ABCA2: variants seen among roughly 807,000 people sequenced by gnomAD.
ABCA2 encodes the protein ATP binding cassette subfamily A member 2, also known as ATP-binding cassette sub-family A member 2.
Under a neutral mutation model 262.8 loss-of-function variants are expected in ABCA2, and 84 were observed. The observed-to-expected ratio is 0.32, with a 90% CI of 0.27 to 0.38. The LOEUF (loss-of-function observed/expected upper bound fraction) is 0.38, where lower values mean the gene tolerates loss of function less well. ABCA2 is among the 10% of genes least tolerant of loss of function. ABCA2 has a pLI of 1.00. For synonymous variants in ABCA2, 1,696 were observed against 1,502.9 expected (o/e 1.13, Z -2.97); for missense variants, 2,662 against 3,405.9 (o/e 0.78, Z 5.44).
chr9:137,017,283 G>T lies in ABCA2; in HGVS notation c.2466C>A (p.Tyr822Ter). ...ACATGTAGGGCACGTAGCTCAGGAAGTAGATGATGCCACCGCAGGCCGAGG... is the reference window on the plus strand; with the variant it reads ...ACATGTAGGGCACGTAGCTCAGGAATTAGATGATGCCACCGCAGGCCGAGG... Reference protein sequence around the residue: ...KLASACGGIIYFLSYVPYMYV... With the variant: ...KLASACGGII Residue 822 changes from tyrosine to a stop codon, truncating the protein, a stop_gained, in exon 18 of 49, where the codon TAC becomes TAA. Transcript: ENST00000341511. LOFTEE classifies it high-confidence loss of function. The T allele has an allele frequency of 6.2e-7, 1 of 1,612,708 alleles. No homozygotes were observed. The highest frequency in any genetic ancestry group is 8.5e-7 in the Non-Finnish European group (1 of 1,179,912).
At position 137,021,465 on chromosome 9, in the gene ABCA2, G is replaced by A. The variant is rs1238610607; in HGVS notation, c.824C>T (p.Ala275Val). 6.8e-6 allele frequency: 11 copies of A among 1,611,790 alleles called. No homozygotes were observed. The highest frequency in any genetic ancestry group is 3.3e-5 in the Admixed American group (2 of 59,946). Residue 275 changes from alanine to valine, a missense_variant, in exon 8 of 49, where the codon GCG becomes GTG. Around this residue, in one of 12 missense-constraint regions of ABCA2, gnomAD observed 403 missense variants for 375.9 expected, o/e 1.07. Coordinates refer to ENST00000341511, the MANE Select transcript of ABCA2 (RefSeq NM_001606.5). This position sits in a 1 kb window ranked among gnomAD's most constrained non-coding sequence, Gnocchi z 6.0. Reference protein sequence around the residue: ...RDAVCSGQAAARARRFSGLSA... With the variant: ...RDAVCSGQAAVRARRFSGLSA... ...CAGCCCAGAGAAGCGCCTGGCACGC[G>A]CAGCAGCCTGCCCACTGCAGACAGC...
chr9:137,014,477 G>T (rs1051545147), intron 26 of ABCA2, 73 bp from the exon 27 acceptor site: 3 of 1,492,400 alleles, frequency 2.0e-6, no homozygotes, highest in African/African-American at 1.4e-5. Flanking sequence ...CCCCATCCCC[G>T]GTCTTGACCC....
In ABCA2 at chr9:137,015,434, G is replaced by A. The variant is rs1831223945; in HGVS notation, c.3677C>T (p.Ala1226Val). The A allele has an allele frequency of 6.4e-7, 1 of 1,566,190 alleles. No individual in the cohort carries two copies. The highest frequency in any genetic ancestry group is 1.4e-5 in the African/African-American group (1 of 73,730). Reference protein sequence around the residue: ...GYRLTLVKRPAEPGGPQEPGL... With the variant: ...GYRLTLVKRPVEPGGPQEPGL... ...CAGACCTTGGGGGCCCCCCGGCTCG[G>A]CGGGCCGCTTGACCAGCGTGAGGCG... The change falls in exon 24 of 49, where the codon GCC becomes GTC. Residue 1226 changes from alanine to valine, a missense_variant. By Grantham distance (64) the Ala-to-Val change is moderately conservative. This residue lies in a region of ABCA2 where 297 missense variants were observed against 286.5 expected (regional missense o/e 1.04). Transcript: ENST00000341511.
rs762289641 is a variant in ABCA2, at chr9:137,008,287, C to T, written c.7275+129G>A. ...CTGCAAGTGTCCCTCGCCCACTCTG[C>T]CCCCTTGACCTCTGGACAGCAAGCA... On this transcript the variant is annotated intron_variant, in intron 48 of 48. Transcript: ENST00000341511. 1.3e-4 allele frequency: 147 copies of T among 1,091,598 alleles called. 3 individuals are homozygous for T. The highest frequency in any genetic ancestry group is 4.5e-4 in the African/African-American group (29 of 64,538). 67.6% of individuals were successfully genotyped at this position (1,091,598 alleles called of 1,614,324 possible).
upstream of ABCA2, chr9:137,028,620 G>C: frequency 9.2e-7 from 1 of 1,086,352 alleles, no homozygotes; most frequent in Non-Finnish European, 1.1e-6. The surrounding 1 kb of genome is among the most constrained non-coding windows in gnomAD (Gnocchi z 6.9). Flanking sequence ...CTGTCCCCGG[G>C]GCGCGCCGAG....
In ABCA2 at chr9:137,011,208, G is replaced by C; in HGVS notation, c.5901C>G (p.Ile1967Met). 1 of 1,612,562 alleles carries C rather than the reference G, an allele frequency of 6.2e-7. No individual in the cohort carries two copies. Among genetic ancestry groups the C allele is most frequent in the Non-Finnish European group, 8.5e-7 (1 of 1,179,866 alleles). The change falls in exon 38 of 49, where the codon ATC becomes ATG. Residue 1967 changes from isoleucine to methionine, a missense_variant. Ile to Met is a conservative substitution (Grantham distance 10). Coordinates refer to ENST00000341511, the MANE Select transcript of ABCA2 (RefSeq NM_001606.5). This position sits in a 1 kb window ranked among gnomAD's most constrained non-coding sequence, Gnocchi z 8.8. ...CACCAATCTTGGCGTAGTACTCGTTGATGTACTCGTTGTAGGCCATCTCCA... is the reference window on the plus strand; with the variant it reads ...CACCAATCTTGGCGTAGTACTCGTTCATGTACTCGTTGTAGGCCATCTCCA... ...GLMEMAYNEYINEYYAKIGQF... is the reference protein window; with the variant it reads ...GLMEMAYNEYMNEYYAKIGQF...
intron 1 of ABCA2, among the ~76,000 whole-genome samples, chr9:137,027,023 C>T (rs560741508): frequency 6.6e-6 from 1 of 152,256 alleles, no homozygotes; most frequent in Non-Finnish European, 1.5e-5. Flanking sequence ...CCTGGGTTTC[C>T]TGCAGTGCAT....
chr9:137,012,679 C>T (rs1831103882), intron 31 of ABCA2, 33 bp downstream of exon 31: 2 of 1,611,236 alleles, frequency 1.2e-6, no homozygotes, highest in Non-Finnish European at 1.7e-6. Context: ...GGTGGCCGGC[C>T]ACCCTCACCC....
At chr9:137,018,373 G>A (rs757405516) in intron 13 of ABCA2, 22 bp from the exon 14 acceptor site, 1 of 1,570,796 alleles carries the variant, frequency 6.4e-7, no homozygotes, top group East Asian at 2.3e-5. Context: ...AGGTTGGGGC[G>A]GGGCCAAGAT....
intron 28 of ABCA2, 60 bp from the exon 29 acceptor site, chr9:137,013,623 C>G: frequency 6.6e-7 from 1 of 1,504,036 alleles, no homozygotes. Flanking sequence ...GGCCCCCAAG[C>G]CTCGGTCCCC....
In ABCA2 at chr9:137,024,226, G is replaced by A. The variant is rs1431288534; in HGVS notation, c.77C>T (p.Ala26Val). Residue 26 changes from alanine to valine, a missense_variant, in exon 2 of 49, where the codon GCC becomes GTC. By Grantham distance (64) the Ala-to-Val change is moderately conservative (BLOSUM62 0). Coordinates refer to ENST00000341511, the MANE Select transcript of ABCA2 (RefSeq NM_001606.5). ...CACCAGGGGGATGAAGATCTCGAAGGCCAGGACCCACTGGAAAGGGTGGGC... is the reference window on the plus strand; with the variant it reads ...CACCAGGGGGATGAAGATCTCGAAGACCAGGACCCACTGGAAAGGGTGGGC... ...TLKRRSPWVL[A>V]FEIFIPLVLF... 6.2e-7 allele frequency: 1 copy of A among 1,610,602 alleles called. No individual in the cohort carries two copies. The highest frequency in any genetic ancestry group is 2.2e-5 in the East Asian group (1 of 44,810).
chr9:137,026,383 C>T (rs188175885), intron 1 of ABCA2, among the ~76,000 whole-genome samples: 44 of 152,350 alleles, frequency 2.9e-4, no homozygotes, highest in African/African-American at 1.0e-3. Flanking sequence ...AAGAGTCCAG[C>T]TCTGATGTCC....
In ABCA2 at chr9:137,016,732, T is replaced by C; in HGVS notation, c.2765A>G (p.Tyr922Cys). 6.4e-7 allele frequency: 1 copy of C among 1,553,102 alleles called. No homozygotes were observed. Among genetic ancestry groups the C allele is most frequent in the South Asian group, 1.2e-5 (1 of 83,012 alleles). The part of the protein sequence containing the change: ...WYIEAVHPGM[Y>C]GLPRPWYFPL... ...GAAGTACCAGGGCCGGGGCAGCCCG[T>C]ACATGCCTGGGGGTCGGGGAGGGGA... The change falls in exon 20 of 49, where the codon TAC (tyrosine) becomes TGC (cysteine). Residue 922 changes from tyrosine to cysteine, a missense_variant. Tyr to Cys is a radical substitution (Grantham distance 194). This residue lies in a region of ABCA2 where 133 missense variants were observed against 150.8 expected (regional missense o/e 0.88). Transcript: ENST00000341511.
In ABCA2 at chr9:137,011,607, G is replaced by A; in HGVS notation, c.5651+27C>T. The A allele has an allele frequency of 6.4e-7, 1 of 1,554,334 alleles. No homozygotes were observed. ...CCAGGCAGCCCCGGTCCCACCTGAG[G>A]CCGCTCCCCCCTCCGCTTCCGCTTA... is the stretch of plus-strand genomic sequence containing the variant. On this transcript the variant is annotated intron_variant, in intron 36 of 48. Coordinates refer to ENST00000341511, the MANE Select transcript of ABCA2 (RefSeq NM_001606.5). This position sits in a 1 kb window ranked among gnomAD's most constrained non-coding sequence, Gnocchi z 8.8.
In ABCA2 at chr9:137,021,771, C is replaced by T. The variant is rs1831461803; in HGVS notation, c.678+120G>A. 8.0e-7 allele frequency: 1 copy of T among 1,243,602 alleles called. No homozygotes were observed. Among genetic ancestry groups the T allele is most frequent in the Non-Finnish European group, 1.1e-6 (1 of 880,860 alleles). The allele number at this position is 1,243,602 out of a possible 1,614,324, so 77.0% of individuals were successfully genotyped here. A position where few individuals can be genotyped will look rare whatever the true frequency, so the allele number is the denominator to read the frequency against. ...ATGCCTGCCATAGACCCCTGGGACC[C>T]TCCCCCTCTCCCAGGAGGAGCTCCA... On this transcript the variant is annotated intron_variant, in intron 7 of 48. Transcript: ENST00000341511. The surrounding 1 kb of genome is among the most constrained non-coding windows in gnomAD (Gnocchi z 6.0).
chr9:137,011,582 C>T lies in ABCA2; in HGVS notation c.5652-28G>A, dbSNP rs1408513681. On this transcript the variant is annotated intron_variant, in intron 36 of 48. Transcript: ENST00000341511. This position sits in a 1 kb window ranked among gnomAD's most constrained non-coding sequence, Gnocchi z 8.8. ...GCGGGCAGGTGGCGGGCAGTGGTCA[C>T]CAGGCAGCCCCGGTCCCACCTGAGG... The T allele has an allele frequency of 2.6e-5, 40 of 1,560,848 alleles. No individual in the cohort carries two copies. The highest frequency in any genetic ancestry group is 3.4e-5 in the Non-Finnish European group (39 of 1,152,810).
Position 137,019,174 on chromosome 9 carries a change from G to A in ABCA2, c.1554+4C>T. On this transcript the variant is annotated splice_donor_region_variant and intron_variant, in intron 11 of 48. Transcript: ENST00000341511. The surrounding 1 kb of genome is among the most constrained non-coding windows in gnomAD (Gnocchi z 4.4). Reference sequence around the variant, plus strand: ...GCCGCCTCCCTCGCGGGCACCCTTGGCACCTGCTGCAGCCAGCGCAGGTGT... The same window carrying A: ...GCCGCCTCCCTCGCGGGCACCCTTGACACCTGCTGCAGCCAGCGCAGGTGT... 1.2e-6 allele frequency: 2 copies of A among 1,611,534 alleles called. No homozygotes were observed. The highest frequency in any genetic ancestry group is 1.7e-6 in the Non-Finnish European group (2 of 1,179,246).
chr9:137,010,590 C>CCCGCCCCCCCCAAAA, intron 40 of ABCA2, 30 bp downstream of exon 40: 5 of 1,253,100 alleles, frequency 4.0e-6, no homozygotes, highest in Non-Finnish European at 5.9e-6. Context: ...CTACCCCACC[C>CCCGCCCCCCCCAAAA]AGGCCCCACC....
At chr9:137,023,272 G>A (rs34558922) in intron 3 of ABCA2, 51,859 of 634,076 alleles carry the variant, frequency 0.082, 2,432 homozygotes, top group African/African-American at 0.14. Context: ...AGGTCAAAGA[G>A]CCACTCACCA....
Sources: allele counts gnomAD v4.1 joint callset (sites outside exome capture counted in the v4.1 genomes callset), GRCh38; gene constraint gnomAD v4.1.1; regional missense constraint gnomAD v4.1.1; non-coding constraint Gnocchi (gnomAD v3.1); transcripts MANE v1.5; gene names NCBI Gene and HGNC (gene_info 2026-07-23, HGNC 2026-07-21).